Variants in ITPKB observed in about 807,000 individuals in gnomAD.
ITPKB encodes inositol-trisphosphate 3-kinase B.
Under a neutral mutation model 69.4 loss-of-function variants are expected in ITPKB, and 13 were observed. That is an observed-to-expected ratio of 0.19 (90% confidence interval 0.12 to 0.30). ITPKB has a LOEUF of 0.30. Ranked by LOEUF, ITPKB falls within the 10% of genes least tolerant of loss-of-function variation. ITPKB has a pLI of 1.00. For missense variants in ITPKB, 1,240 were observed against 1,250.5 expected (o/e 0.99, Z 0.13); for synonymous variants, 584 against 513.7 (o/e 1.14, Z -1.85).
intron 6 of ITPKB, 90 bp downstream of exon 6, chr1:226,639,467 C>T (rs759665271): frequency 3.4e-6 from 3 of 877,052 alleles, no homozygotes; most frequent in Admixed American, 1.7e-5. Flanking sequence ...CCTGGGGGTG[C>T]CTTGTCCTCC....
chr1:226,643,532 C>T (rs2102742310), intron 4 of ITPKB, among the ~76,000 whole-genome samples: 1 of 152,336 alleles, frequency 6.6e-6, no homozygotes, highest in South Asian at 2.1e-4. Flanking sequence ...GTCTCCCAGG[C>T]CTTGTTCCAA....
At chr1:226,646,622 C>T (rs1237167675) in intron 4 of ITPKB, among the ~76,000 whole-genome samples, 1 of 152,176 alleles carries the variant, frequency 6.6e-6, no homozygotes, top group Non-Finnish European at 1.5e-5. Flanking sequence ...CGGTGACCTG[C>T]CATGTGGGTT....
At chr1:226,667,037 C>A (rs1046469179) in intron 2 of ITPKB, among the ~76,000 whole-genome samples, 3 of 152,192 alleles carry the variant, frequency 2.0e-5, no homozygotes, top group African/African-American at 7.2e-5. Flanking sequence ...CCTAACCTAC[C>A]GAGAGAACTC....
In ITPKB at chr1:226,737,444, G is replaced by A. The variant is rs754401724; in HGVS notation, c.15C>T (p.Cys5=). The A allele has an allele frequency of 3.7e-6, 6 of 1,610,792 alleles. No homozygotes were observed. Among genetic ancestry groups the A allele is most frequent in the South Asian group, 3.3e-5 (3 of 91,022 alleles). The part of the protein sequence containing the change: MAVY[C]YALNSLVIMN... The stretch of plus-strand genomic sequence containing the variant: ...TGATCACCAGGCTATTGAGCGCATA[G>A]CAGTACACAGCCATAGTACTGGGTC... Residue 5 remains cysteine (C), a synonymous_variant, in exon 2 of 8, where the codon TGC becomes TGT. Transcript: ENST00000429204.
In ITPKB at chr1:226,648,723, C is replaced by G. The variant is rs745974661; in HGVS notation, c.1981G>C (p.Val661Leu). 6.2e-7 allele frequency: 1 copy of G among 1,613,358 alleles called. No individual in the cohort carries two copies. Among genetic ancestry groups the G allele is most frequent in the Non-Finnish European group, 8.5e-7 (1 of 1,179,294 alleles). ...IKNMVHWSPF[V>L]MSFKKKYPWI... is the part of the protein sequence containing the mutation. ...GGGTACTTCTTCTTGAAGGACATGA[C>G]GAAGGGAGACCAGTGCACCATGTTT... Residue 661 changes from valine to leucine, a missense_variant, in exon 3 of 8, where the codon GTC (valine) becomes CTC (leucine). Around this residue, in one of 2 missense-constraint regions of ITPKB, gnomAD observed 248 missense variants for 396.7 expected, o/e 0.63. Transcript: ENST00000429204.
intron 2 of ITPKB, among the ~76,000 whole-genome samples, chr1:226,675,735 G>A (rs1441028637): frequency 1.3e-5 from 2 of 152,106 alleles, no homozygotes; most frequent in African/African-American, 4.8e-5. Context: ...AGAATCCTAT[G>A]GAATCCTTCA....
intron 2 of ITPKB, among the ~76,000 whole-genome samples, chr1:226,657,483 T>TTTG (rs985762693): frequency 2.0e-5 from 3 of 152,142 alleles, no homozygotes; most frequent in Non-Finnish European, 4.4e-5. Context: ...AGAGTCTCCC[T>TTTG]TTGTTGTTGT....
intron 2 of ITPKB, among the ~76,000 whole-genome samples, chr1:226,700,478 A>G (rs1270005752): frequency 1.3e-5 from 2 of 149,588 alleles, no homozygotes; most frequent in Non-Finnish European, 3.0e-5. Flanking sequence ...AAAAAAAAAA[A>G]AAAAAAAAAA....
At chr1:226,701,672 G>A (rs1164803444) in intron 2 of ITPKB, among the ~76,000 whole-genome samples, 3 of 144,914 alleles carry the variant, frequency 2.1e-5, no homozygotes, top group African/African-American at 2.6e-5. Context: ...AATCTCTTAA[G>A]CTCCACAGAG....
At chr1:226,671,778 G>A (rs913858499) in intron 2 of ITPKB, among the ~76,000 whole-genome samples, 15 of 152,220 alleles carry the variant, frequency 9.9e-5, no homozygotes, top group African/African-American at 3.4e-4. Context: ...GAGCGGTCAA[G>A]TGCACAGGCT....
intron 2 of ITPKB, among the ~76,000 whole-genome samples, chr1:226,677,639 G>C (rs979163946): frequency 1.3e-5 from 2 of 152,196 alleles, no homozygotes; most frequent in Non-Finnish European, 2.9e-5. Context: ...CTGGACTCTG[G>C]GCTGTGCCAG....
rs1668763861 is a variant in ITPKB, at chr1:226,633,362, GC to G, written c.*1308del. The G allele has an allele frequency of 6.6e-6, 1 of 152,218 alleles. No individual in the cohort carries two copies. The highest frequency in any genetic ancestry group is 1.5e-5 in the Non-Finnish European group (1 of 68,044). 9.4% of individuals were successfully genotyped at this position (152,218 alleles called of 1,614,324 possible). On this transcript the variant is annotated 3_prime_UTR_variant, in exon 8 of 8. Coordinates refer to ENST00000429204, the MANE Select transcript of ITPKB (RefSeq NM_002221.4). ...CTGACAGCAAAGGAGTGGGTGGCAA[GC>G]CCCAAGGAGCATGGGGCACAGAGCT... is the stretch of plus-strand genomic sequence containing the variant.
Position 226,696,558 on chromosome 1 carries a change from T to C in ITPKB, c.1932+38969A>G, listed in dbSNP as rs549820731. Among the ~76,000 whole-genome samples the C allele has an allele frequency of 2.6e-4, 39 of 152,292 alleles. No homozygotes were observed. The South Asian group carries it at 7.2e-3, about 28-fold the overall frequency. ...GTTTTCTGAGAACATAATTTCTAGT[T>C]GGAGTATTAATTACTAGCTTGGAGC... On this transcript the variant is annotated intron_variant, in intron 2 of 7. Coordinates refer to ENST00000429204, the MANE Select transcript of ITPKB (RefSeq NM_002221.4).
chr1:226,635,645 G>C (rs1362618019), intron 7 of ITPKB, among the ~76,000 whole-genome samples: 2 of 152,208 alleles, frequency 1.3e-5, no homozygotes, highest in East Asian at 3.9e-4. Flanking sequence ...AGGTGCCCAG[G>C]AGCGTCCAAA....
intron 2 of ITPKB, among the ~76,000 whole-genome samples, chr1:226,701,645 A>G (rs1656644473): frequency 7.1e-6 from 1 of 141,474 alleles, no homozygotes; most frequent in East Asian, 2.1e-4. Flanking sequence ...CACTTTACCC[A>G]TTTTCTCCAA....
chr1:226,639,337 C>T lies in ITPKB; in HGVS notation c.2553+220G>A, dbSNP rs915547269. ...CTTCCCAAAGTGCTGGGATTACAGGCGTGAGCCACTGTGCCCGGCGTGCCT... is the reference window on the plus strand; with the variant it reads ...CTTCCCAAAGTGCTGGGATTACAGGTGTGAGCCACTGTGCCCGGCGTGCCT... On this transcript the variant is annotated intron_variant, in intron 6 of 7. Coordinates refer to ENST00000429204, the MANE Select transcript of ITPKB (RefSeq NM_002221.4). Among the ~76,000 whole-genome samples the T allele has an allele frequency of 2.0e-5, 3 of 152,198 alleles. No homozygotes were observed. In the East Asian group the frequency reaches 5.8e-4, roughly 29 times the overall value.
intron 5 of ITPKB, among the ~76,000 whole-genome samples, chr1:226,640,061 T>C (rs1209319832): frequency 6.6e-6 from 1 of 151,874 alleles, no homozygotes. Flanking sequence ...TGCCCGGAGG[T>C]CCCTGCCCGC....
intron 2 of ITPKB, among the ~76,000 whole-genome samples, chr1:226,699,993 T>TGTA (rs1378438311): frequency 6.6e-6 from 1 of 152,158 alleles, no homozygotes; most frequent in East Asian, 1.9e-4. Flanking sequence ...GGGAGAAAGA[T>TGTA]GTAGGCTGGG....
intron 2 of ITPKB, among the ~76,000 whole-genome samples, chr1:226,692,151 T>C (rs1375457540): frequency 6.6e-6 from 1 of 152,194 alleles, no homozygotes; most frequent in African/African-American, 2.4e-5. Context: ...AATTCAGCAA[T>C]ATGTCCAAGG....
Sources: allele counts gnomAD v4.1 joint callset (sites outside exome capture counted in the v4.1 genomes callset), GRCh38; gene constraint gnomAD v4.1.1; regional missense constraint gnomAD v4.1.1; transcripts MANE v1.5; gene names NCBI Gene and HGNC (gene_info 2026-07-23, HGNC 2026-07-21).